The following PTPRN2 variants were observed in gnomAD, a reference collection of about 807,000 sequenced individuals.
PTPRN2 encodes receptor-type tyrosine-protein phosphatase N2.
Under a neutral mutation model 118.8 loss-of-function variants are expected in PTPRN2, and 74 were observed. That is an observed-to-expected ratio of 0.62 (90% CI 0.52 to 0.76). The LOEUF is 0.76. Ranked by LOEUF, PTPRN2 falls within the 30% of genes least tolerant of loss-of-function variation. The pLI, the probability that PTPRN2 is intolerant of heterozygous loss-of-function variation, is 0.00. For synonymous variants in PTPRN2, 641 were observed against 608.0 expected (o/e 1.05, Z -0.80); for missense variants, 1,481 against 1,394.4 (o/e 1.06, Z -0.99).
intron 2 of PTPRN2, among the ~76,000 whole-genome samples, chr7:158,365,601 T>G (rs1809371355): frequency 6.6e-6 from 1 of 152,060 alleles, no homozygotes; most frequent in Admixed American, 6.6e-5. Flanking sequence ...CATGCATGCA[T>G]GCACACGCAC....
chr7:157,557,428 A>T (rs1798959452), intron 21 of PTPRN2, among the ~76,000 whole-genome samples: 1 of 151,608 alleles, frequency 6.6e-6, no homozygotes, highest in Non-Finnish European at 1.5e-5. Flanking sequence ...CACTGCACAC[A>T]AACATTCCAC....
chr7:157,580,537 G>A (rs1383939200), intron 17 of PTPRN2, among the ~76,000 whole-genome samples: 2 of 102,634 alleles, frequency 1.9e-5, no homozygotes, highest in African/African-American at 7.9e-5. Flanking sequence ...CTGCACACCC[G>A]AGCCGAGCCC....
In PTPRN2 at chr7:157,674,546, C is replaced by CA. The variant is rs564582792; in HGVS notation, c.2001+8178_2001+8179insT. 1.5e-4 allele frequency among the ~76,000 whole-genome samples: 23 copies of CA among 152,278 alleles called. No individual in the cohort carries two copies. The South Asian group carries it at 4.8e-3, about 32-fold the overall frequency. Reference sequence around the variant, plus strand: ...CGCAGCGTCTTGCCTCCTTTTATGCCGGTGTACGTGTTGTGTTAAGAGCTG... The same window carrying CA: ...CGCAGCGTCTTGCCTCCTTTTATGCCAGGTGTACGTGTTGTGTTAAGAGCTG... On this transcript the variant is annotated intron_variant, in intron 13 of 22. Coordinates refer to ENST00000389418, the MANE Select transcript of PTPRN2 (RefSeq NM_002847.5). The surrounding 1 kb of genome is among the most constrained non-coding windows in gnomAD (Gnocchi z 4.5).
At chr7:157,713,042 C>T (rs1406276812) in intron 12 of PTPRN2, among the ~76,000 whole-genome samples, 2 of 152,232 alleles carry the variant, frequency 1.3e-5, no homozygotes, top group Non-Finnish European at 1.5e-5. Context: ...CCACACAGAA[C>T]GTGGCTGTGG....
At chr7:158,395,197 G>A (rs1045961828) in intron 2 of PTPRN2, among the ~76,000 whole-genome samples, 3 of 151,766 alleles carry the variant, frequency 2.0e-5, no homozygotes, top group Admixed American at 2.0e-4. Flanking sequence ...TGCAGTACCC[G>A]AGCACGGCCG....
At chr7:158,280,422 G>T (rs370858286) in intron 3 of PTPRN2, among the ~76,000 whole-genome samples, 19 of 152,320 alleles carry the variant, frequency 1.2e-4, no homozygotes, top group African/African-American at 4.6e-4. Context: ...CAGGAGCCGC[G>T]GCTCTACCTG....
chr7:158,473,501 A>G (rs903050873), intron 2 of PTPRN2, among the ~76,000 whole-genome samples: 4 of 152,220 alleles, frequency 2.6e-5, no homozygotes, highest in Non-Finnish European at 4.4e-5. Context: ...GAGACCTCCA[A>G]GTGCCGGCTC....
intron 2 of PTPRN2, among the ~76,000 whole-genome samples, chr7:158,461,282 T>C (rs1470836533): frequency 1.3e-5 from 2 of 151,904 alleles, no homozygotes; most frequent in East Asian, 3.9e-4. Flanking sequence ...GATCACGAGG[T>C]CAAGAGATCA....
chr7:157,809,402 C>T (rs1388030247), intron 12 of PTPRN2, among the ~76,000 whole-genome samples: 2 of 152,166 alleles, frequency 1.3e-5, no homozygotes, highest in Non-Finnish European at 2.9e-5. Context: ...GTGGAAGGAG[C>T]CCCGCGCCAC....
At chr7:157,941,810 G>T (rs569125562) in intron 11 of PTPRN2, among the ~76,000 whole-genome samples, 3 of 152,252 alleles carry the variant, frequency 2.0e-5, no homozygotes, top group African/African-American at 7.2e-5. Context: ...CCTCCCAGAG[G>T]CCTCTGCCCA....
intron 13 of PTPRN2, among the ~76,000 whole-genome samples, chr7:157,673,588 C>G (rs188431273): frequency 6.6e-6 from 1 of 152,168 alleles, no homozygotes; most frequent in Non-Finnish European, 1.5e-5. Context: ...CCTTGTGCAT[C>G]CTGGCCCCTC....
chr7:157,917,313 G>A (rs1018248340), intron 11 of PTPRN2, among the ~76,000 whole-genome samples: 1 of 152,254 alleles, frequency 6.6e-6, no homozygotes, highest in Admixed American at 6.5e-5. Flanking sequence ...GCACATTGGC[G>A]TGGAGCATTT....
intron 2 of PTPRN2, among the ~76,000 whole-genome samples, chr7:158,325,503 C>T (rs935307576): frequency 2.0e-5 from 3 of 152,162 alleles, no homozygotes; most frequent in East Asian, 1.9e-4. Context: ...AACCACAATG[C>T]GCATACCTAT....
chr7:157,578,580 G>T (rs532010198), intron 17 of PTPRN2, among the ~76,000 whole-genome samples: 2 of 152,198 alleles, frequency 1.3e-5, no homozygotes, highest in South Asian at 2.1e-4. Context: ...CCTCCGAAAG[G>T]CTTCTTTTCA....
chr7:158,568,474 C>G (rs1416444983), intron 1 of PTPRN2, among the ~76,000 whole-genome samples: 1 of 151,836 alleles, frequency 6.6e-6, no homozygotes. Flanking sequence ...AAAAAAACAG[C>G]TTTTAGAGTA....
At chr7:158,284,724 C>G (rs1253500237) in intron 3 of PTPRN2, among the ~76,000 whole-genome samples, 1 of 152,246 alleles carries the variant, frequency 6.6e-6, no homozygotes, top group Non-Finnish European at 1.5e-5. Context: ...CGCAGGAAGG[C>G]ATTCCCACCC....
At chr7:157,673,147 C>G (rs994386046) in intron 13 of PTPRN2, among the ~76,000 whole-genome samples, 2 of 152,168 alleles carry the variant, frequency 1.3e-5, no homozygotes, top group African/African-American at 4.8e-5. Flanking sequence ...CCTCAGCCTC[C>G]CGAGTAGCTG....
At chr7:157,771,441 T>C (rs1403206247) in intron 12 of PTPRN2, among the ~76,000 whole-genome samples, 1 of 152,250 alleles carries the variant, frequency 6.6e-6, no homozygotes, top group East Asian at 1.9e-4. Context: ...TGCCCTTCTG[T>C]GGCTTGCAGC....
intron 1 of PTPRN2, among the ~76,000 whole-genome samples, chr7:158,583,813 T>C (rs1174398268): frequency 6.6e-6 from 1 of 152,120 alleles, no homozygotes; most frequent in Admixed American, 6.5e-5. Flanking sequence ...AGCTCACAGA[T>C]GTGCAAGGAG....
Sources: gnomAD v4.1 joint callset for allele counts (sites outside exome capture counted in the v4.1 genomes callset) on GRCh38, gnomAD v4.1.1 for gene constraint, Gnocchi (gnomAD v3.1) non-coding constraint, MANE v1.5 for transcripts, NCBI Gene and HGNC (gene_info 2026-07-23, HGNC 2026-07-21) for gene names.